Variants in CHRM5 observed in about 807,000 individuals in gnomAD.
The protein encoded by CHRM5 is cholinergic receptor muscarinic 5.
Under a neutral mutation model 39.0 loss-of-function variants are expected in CHRM5, and 18 were observed. The ratio of observed to expected loss-of-function variants is 0.46; its 90% CI spans 0.32 to 0.68. CHRM5 has a LOEUF of 0.68. CHRM5 is among the 30% of genes least tolerant of loss of function. The pLI is 0.04. For missense variants in CHRM5, 515 were observed against 651.1 expected, an observed-to-expected ratio of 0.79 and a Z score of 2.28; for synonymous variants, 241 against 246.3, an observed-to-expected ratio of 0.98 and a Z score of 0.20.
At chr15:34,020,627 G>A (rs1172987669) in intron 1 of CHRM5, among the ~76,000 whole-genome samples, 4 of 152,186 alleles carry the variant, frequency 2.6e-5, no homozygotes, top group Admixed American at 6.5e-5. Flanking sequence ...CTGACTTACA[G>A]ATGGGCAGCT....
rs747017685 is a variant in CHRM5 at position 34,063,185 on chromosome 15, G to A, written c.468G>A (p.Leu156=). 1 of 1,614,184 alleles carries A rather than the reference G, an allele frequency of 6.2e-7. No homozygotes were observed. The highest frequency in any genetic ancestry group is 1.7e-5 in the Admixed American group (1 of 60,018). The change falls in exon 3 of 3, where the codon CTG becomes CTA. Residue 156 remains leucine (L), a synonymous_variant. Transcript: ENST00000383263. The surrounding 1 kb of genome is among the most constrained non-coding windows in gnomAD (Gnocchi z 4.1). Reference sequence around the variant, plus strand: ...GCATCATGATTGGCTTGGCCTGGCTGATCTCCTTCATCCTCTGGGCCCCAG... The same window carrying A: ...GCATCATGATTGGCTTGGCCTGGCTAATCTCCTTCATCCTCTGGGCCCCAG... The part of the protein sequence containing the change: ...RAGIMIGLAW[L]ISFILWAPAI...
intron 1 of CHRM5, among the ~76,000 whole-genome samples, chr15:34,028,516 C>A (rs2243764): frequency 2.0e-5 from 3 of 152,226 alleles, no homozygotes; most frequent in African/African-American, 4.8e-5. Context: ...GGTGAGCTAT[C>A]ATCATGCCAT....
At chr15:34,038,795 T>G in intron 1 of CHRM5, 1 of 1,187,648 alleles carries the variant, frequency 8.4e-7, no homozygotes, top group South Asian at 3.5e-5. Context: ...CGCTGGCCCC[T>G]GCGCCCCAGC....
At chr15:34,021,762 G>A (rs1016516389) in intron 1 of CHRM5, among the ~76,000 whole-genome samples, 1 of 152,124 alleles carries the variant, frequency 6.6e-6, no homozygotes, top group Non-Finnish European at 1.5e-5. Context: ...GGCTGAGGCA[G>A]GAGAATCACT....
intron 1 of CHRM5, among the ~76,000 whole-genome samples, chr15:33,982,969 A>G (rs1478363673): frequency 1.3e-5 from 2 of 151,912 alleles, no homozygotes; most frequent in Non-Finnish European, 2.9e-5. Context: ...TCCTGTTGGG[A>G]TAATTTTTGA....
In CHRM5 at chr15:34,064,292, G is replaced by A. The variant is rs768844068; in HGVS notation, c.1575G>A (p.Trp525Ter). Residue 525 changes from tryptophan (W) to a stop codon, truncating the protein, a stop_gained, in exon 3 of 3, where the codon TGG (tryptophan) becomes TGA (stop). Transcript: ENST00000383263. LOFTEE classifies it high-confidence loss of function. ...AAAAAGTGGAAGAGAAGTTGTACTGGCAGGGGAACAGCAAGCTACCCTGAA... is the reference window on the plus strand; with the variant it reads ...AAAAAGTGGAAGAGAAGTTGTACTGACAGGGGAACAGCAAGCTACCCTGAA... ...KKKKVEEKLY[W>*]QGNSKLP The A allele has an allele frequency of 1.1e-5, 17 of 1,613,616 alleles. No homozygotes were observed. The highest frequency in any genetic ancestry group is 1.4e-5 in the Non-Finnish European group (17 of 1,179,774).
At chr15:33,971,290 A>G (rs10162617) in intron 1 of CHRM5, among the ~76,000 whole-genome samples, 11,839 of 152,088 alleles carry the variant, frequency 0.078, 1,420 homozygotes, top group African/African-American at 0.26. Context: ...CACACATATT[A>G]TATAAAAGTA....
At chr15:33,995,679 C>A (rs1896903416) in intron 1 of CHRM5, among the ~76,000 whole-genome samples, 1 of 152,250 alleles carries the variant, frequency 6.6e-6, no homozygotes, top group Admixed American at 6.5e-5. Flanking sequence ...ATGCTTCAGA[C>A]CACACCAAAC....
chr15:33,989,177 AG>A (rs1380568550), intron 1 of CHRM5, among the ~76,000 whole-genome samples: 1 of 152,190 alleles, frequency 6.6e-6, no homozygotes, highest in Non-Finnish European at 1.5e-5. Flanking sequence ...ATAAAAGAGA[AG>A]ATGAGTTAAT....
intron 2 of CHRM5, among the ~76,000 whole-genome samples, chr15:34,053,319 A>ATATATATATATATATATAT (rs1555520677): frequency 2.4e-5 from 1 of 42,066 alleles, no homozygotes; most frequent in African/African-American, 8.0e-5. Context: ...AAAAAAAAAA[A>ATATATATATATATATATAT]ATATATATAT....
At chr15:33,986,311 A>G (rs963550013) in intron 1 of CHRM5, among the ~76,000 whole-genome samples, 9 of 151,924 alleles carry the variant, frequency 5.9e-5, no homozygotes, top group African/African-American at 2.2e-4. Flanking sequence ...GGGTTTCACC[A>G]TGTTAGCCAG....
At chr15:34,034,100 T>C (rs1164940678) in intron 1 of CHRM5, among the ~76,000 whole-genome samples, 1 of 152,074 alleles carries the variant, frequency 6.6e-6, no homozygotes, top group Admixed American at 6.5e-5. Context: ...AATTTATTAA[T>C]GTGATTTTTA....
intron 1 of CHRM5, among the ~76,000 whole-genome samples, chr15:34,001,413 A>G (rs1897133434): frequency 6.6e-6 from 1 of 152,202 alleles, no homozygotes; most frequent in South Asian, 2.1e-4. Context: ...ATTGAATTAA[A>G]TCTACTTTAG....
chr15:33,973,878 G>A (rs1422016200), intron 1 of CHRM5, among the ~76,000 whole-genome samples: 1 of 152,102 alleles, frequency 6.6e-6, no homozygotes, highest in Admixed American at 6.5e-5. Flanking sequence ...GCATTCTCAG[G>A]TACAATCTCA....
Position 34,049,808 on chromosome 15 carries a change from G to C in CHRM5, c.-76+2937G>C, listed in dbSNP as rs1190617055. Among the ~76,000 whole-genome samples, 4 of 151,598 alleles carry C rather than the reference G, an allele frequency of 2.6e-5. No individual in the cohort carries two copies. The East Asian group carries it at 7.8e-4, about 29-fold the overall frequency. On this transcript the variant is annotated intron_variant, in intron 2 of 2. Coordinates refer to ENST00000383263, the MANE Select transcript of CHRM5 (RefSeq NM_012125.4). ...AGAAGGGCCAGTTCACCTACAAAAG[G>C]AAGCCCATGAGACTAACAGCAGGCC...
intron 2 of CHRM5, among the ~76,000 whole-genome samples, chr15:34,047,097 A>T (rs1339843506): frequency 7.1e-6 from 1 of 141,054 alleles, no homozygotes; most frequent in Non-Finnish European, 1.5e-5. Context: ...CTTTTTTTGG[A>T]GACGGAGTCT....
intron 1 of CHRM5, among the ~76,000 whole-genome samples, chr15:34,017,473 A>ATTTTTTTTTTTTTTTTT (rs200988059): frequency 9.9e-6 from 1 of 101,452 alleles, no homozygotes; most frequent in African/African-American, 3.5e-5. Flanking sequence ...TTTCAGTATG[A>ATTTTTTTTTTTTTTTTT]TTTTTTTTTT....
At chr15:33,981,448 T>A (rs1428288950) in intron 1 of CHRM5, among the ~76,000 whole-genome samples, 2 of 151,894 alleles carry the variant, frequency 1.3e-5, no homozygotes, top group African/African-American at 4.8e-5. Flanking sequence ...CATAACCAAG[T>A]TTTTTTAAGT....
At chr15:33,983,897 C>A (rs1896305488) in intron 1 of CHRM5, among the ~76,000 whole-genome samples, 1 of 151,218 alleles carries the variant, frequency 6.6e-6, no homozygotes, top group Non-Finnish European at 1.5e-5. Context: ...TTAGGGTATT[C>A]TCCCCCAGAA....
Sources: allele counts gnomAD v4.1 joint callset (sites outside exome capture counted in the v4.1 genomes callset), GRCh38; gene constraint gnomAD v4.1.1; non-coding constraint Gnocchi (gnomAD v3.1); transcripts MANE v1.5; gene names NCBI Gene and HGNC (gene_info 2026-07-23, HGNC 2026-07-21).